The following AGPS variants were observed in gnomAD, a reference collection of about 807,000 sequenced individuals.
AGPS encodes alkylglycerone phosphate synthase.
A neutral mutation model predicts 90.7 loss-of-function variants in AGPS; 26 were observed. The observed-to-expected ratio is 0.29, with a 90% confidence interval of 0.21 to 0.40. The LOEUF (loss-of-function observed/expected upper bound fraction) is 0.40, where lower values mean the gene tolerates loss of function less well. Ranked by LOEUF, AGPS falls within the 10% of genes least tolerant of loss-of-function variation. The pLI is 1.00. For synonymous variants in AGPS, 294 were observed against 285.3 expected (o/e 1.03, Z -0.31); for missense variants, 540 against 816.1 (o/e 0.66, Z 4.12).
At chr2:177,465,536 GCA>G (rs577734408) in intron 9 of AGPS, among the ~76,000 whole-genome samples, 3 of 152,206 alleles carry the variant, frequency 2.0e-5, no homozygotes, top group South Asian at 4.1e-4. Context: ...GGCGAGCCAG[GCA>G]CAGAGTAGTG....
At chr2:177,452,412 T>C (rs576520770) in intron 8 of AGPS, among the ~76,000 whole-genome samples, 1 of 152,344 alleles carries the variant, frequency 6.6e-6, no homozygotes, top group South Asian at 2.1e-4. Context: ...ACTGACCCTT[T>C]TGTCGTTATG....
At chr2:177,511,290 G>A (rs1362028096) in intron 16 of AGPS, among the ~76,000 whole-genome samples, 1 of 151,716 alleles carries the variant, frequency 6.6e-6, no homozygotes, top group Non-Finnish European at 1.5e-5. Flanking sequence ...TAGAGATGAG[G>A]TCTCATTATG....
At position 177,440,998 on chromosome 2, in the gene AGPS, T is replaced by A; in HGVS notation, c.671T>A (p.Leu224Gln). ...GATGATGTAGTTAAGATTGTGAATC[T>A]AGCTTGCAAATATAATCTTTGTATC... The part of the protein sequence containing the change: ...CHDDVVKIVN[L>Q]ACKYNLCIIP... Residue 224 changes from leucine to glutamine, a missense_variant, in exon 6 of 20, where the codon CTA (leucine) becomes CAA (glutamine). By Grantham distance (113) the Leu-to-Gln change is moderately radical. Coordinates refer to ENST00000264167, the MANE Select transcript of AGPS (RefSeq NM_003659.4). The A allele has an allele frequency of 6.2e-7, 1 of 1,613,072 alleles. No homozygotes were observed. The highest frequency in any genetic ancestry group is 8.5e-7 in the Non-Finnish European group (1 of 1,179,388).
chr2:177,453,690 A>ATTTTTT (rs11401105), intron 8 of AGPS, among the ~76,000 whole-genome samples: 17 of 90,522 alleles, frequency 1.9e-4, no homozygotes, highest in East Asian at 1.1e-3. Flanking sequence ...ATCAGTAGTA[A>ATTTTTT]TTTTTTTTTT....
At chr2:177,431,440 C>T (rs1309838515) in intron 2 of AGPS, among the ~76,000 whole-genome samples, 1 of 152,112 alleles carries the variant, frequency 6.6e-6, no homozygotes, top group Non-Finnish European at 1.5e-5. Flanking sequence ...GGTTCGAGAG[C>T]AGAGAACCGG....
intron 10 of AGPS, among the ~76,000 whole-genome samples, chr2:177,471,794 G>A (rs1452918669): frequency 6.6e-6 from 1 of 152,098 alleles, no homozygotes; most frequent in Non-Finnish European, 1.5e-5. Flanking sequence ...ATACTTGAAG[G>A]ACAGCTTGAG....
At chr2:177,401,851 C>T (rs1255125840) in intron 1 of AGPS, among the ~76,000 whole-genome samples, 2 of 152,024 alleles carry the variant, frequency 1.3e-5, no homozygotes, top group East Asian at 3.9e-4. Flanking sequence ...CGGCTGATTC[C>T]AGATTTTTAA....
chr2:177,485,134 C>T (rs1194201466), intron 11 of AGPS, among the ~76,000 whole-genome samples: 1 of 152,126 alleles, frequency 6.6e-6, no homozygotes, highest in East Asian at 1.9e-4. Flanking sequence ...TTATTTTCAA[C>T]AAAAGATCTC....
chr2:177,423,978 T>G (rs1334077931), intron 2 of AGPS, among the ~76,000 whole-genome samples: 6 of 152,132 alleles, frequency 3.9e-5, no homozygotes, highest in African/African-American at 1.4e-4. Flanking sequence ...GGGGTACATG[T>G]GCAGGATGTG....
chr2:177,522,158 T>C (rs780620383), intron 18 of AGPS, among the ~76,000 whole-genome samples: 8 of 152,260 alleles, frequency 5.3e-5, no homozygotes, highest in Non-Finnish European at 8.8e-5. Flanking sequence ...TTTTGACATA[T>C]GTATACACCT....
chr2:177,411,015 G>A (rs1193337866), intron 1 of AGPS, among the ~76,000 whole-genome samples: 1 of 152,148 alleles, frequency 6.6e-6, no homozygotes, highest in Non-Finnish European at 1.5e-5. Flanking sequence ...AACTTGCCCA[G>A]CCTTTCGGTG....
At chr2:177,399,203 T>C (rs1333715879) in intron 1 of AGPS, among the ~76,000 whole-genome samples, 1 of 152,244 alleles carries the variant, frequency 6.6e-6, no homozygotes, top group Non-Finnish European at 1.5e-5. Context: ...TGGAACACTT[T>C]AAAAGCAAGT....
rs1382995855 is a variant in AGPS at position 177,541,532 on chromosome 2, G to A, written c.*3337G>A. On this transcript the variant is annotated 3_prime_UTR_variant, in exon 20 of 20. Transcript: ENST00000264167. The stretch of plus-strand genomic sequence containing the variant: ...TGAGGCAGCCAAAATGGAATGCTGT[G>A]GAAAGCATATCTATATCTTAAAAAA... 1 of 152,108 alleles carries A rather than the reference G, an allele frequency of 6.6e-6. No individual in the cohort carries two copies. Among genetic ancestry groups the A allele is most frequent in the African/African-American group, 2.4e-5 (1 of 41,426 alleles). 9.4% of individuals were successfully genotyped at this position (152,108 alleles called of 1,614,324 possible). A position where few individuals can be genotyped will look rare whatever the true frequency, so the allele number is the denominator to read the frequency against.
intron 8 of AGPS, among the ~76,000 whole-genome samples, chr2:177,459,150 C>A (rs575742383): frequency 2.4e-4 from 36 of 152,154 alleles, no homozygotes; most frequent in Non-Finnish European, 4.7e-4. Flanking sequence ...CCCTTCCTTA[C>A]ACCTTATAAA....
intron 19 of AGPS, among the ~76,000 whole-genome samples, chr2:177,534,198 T>C (rs1052435539): frequency 6.6e-6 from 1 of 152,182 alleles, no homozygotes; most frequent in Non-Finnish European, 1.5e-5. Flanking sequence ...TTTCAGATAA[T>C]TTTTGGTGGC....
intron 19 of AGPS, among the ~76,000 whole-genome samples, chr2:177,536,484 A>G (rs937762036): frequency 1.3e-5 from 2 of 152,272 alleles, no homozygotes; most frequent in South Asian, 4.1e-4. Context: ...GCTTAAAATC[A>G]TAGAATATTA....
chr2:177,452,391 C>A (rs1370610298), intron 8 of AGPS, among the ~76,000 whole-genome samples: 1 of 152,140 alleles, frequency 6.6e-6, no homozygotes, highest in Admixed American at 6.5e-5. Context: ...ATTGTTATGG[C>A]TTCTCGATTA....
intron 16 of AGPS, among the ~76,000 whole-genome samples, chr2:177,510,434 G>A (rs1688836208): frequency 6.6e-6 from 1 of 152,178 alleles, no homozygotes; most frequent in Non-Finnish European, 1.5e-5. Flanking sequence ...TTTTGAGAGG[G>A]ATGCAAACAT....
chr2:177,466,213 G>A (rs1033529629), intron 9 of AGPS, among the ~76,000 whole-genome samples: 25 of 152,124 alleles, frequency 1.6e-4, no homozygotes, highest in African/African-American at 6.0e-4. Context: ...GCATCCTGAT[G>A]AGTGTCAGCT....
Sources: gnomAD v4.1 joint callset for allele counts (sites outside exome capture counted in the v4.1 genomes callset) on GRCh38, gnomAD v4.1.1 for gene constraint, MANE v1.5 for transcripts, NCBI Gene and HGNC (gene_info 2026-07-23, HGNC 2026-07-21) for gene names.